KCNK2: variants seen among roughly 807,000 people sequenced by gnomAD.
KCNK2 encodes potassium two pore domain channel subfamily K member 2, also known as potassium channel subfamily K member 2.
Under a neutral mutation model 40.5 loss-of-function variants are expected in KCNK2, and 21 were observed. The observed-to-expected ratio is 0.52, with a 90% CI of 0.37 to 0.75. The LOEUF is 0.75. KCNK2 is among the 30% of genes least tolerant of loss of function. The pLI is 0.00. For missense variants in KCNK2, 399 were observed against 531.6 expected, an observed-to-expected ratio of 0.75 and a Z score of 2.45; for synonymous variants, 191 against 202.2, an observed-to-expected ratio of 0.94 and a Z score of 0.47.
intron 1 of KCNK2, among the ~76,000 whole-genome samples, chr1:215,070,132 T>C (rs117808482): frequency 0.012 from 1,766 of 152,080 alleles, 33 homozygotes; most frequent in South Asian, 0.085. Flanking sequence ...AGGTTTAGGT[T>C]GGGCACGGTG....
intron 6 of KCNK2, among the ~76,000 whole-genome samples, chr1:215,219,209 C>T (rs1571744625): frequency 6.6e-6 from 1 of 152,094 alleles, no homozygotes; most frequent in Non-Finnish European, 1.5e-5. Context: ...GTAAAACGTA[C>T]CTGAGATTGG....
chr1:215,156,021 ATGTGTG>A (rs1023855717), intron 3 of KCNK2, among the ~76,000 whole-genome samples: 11 of 151,494 alleles, frequency 7.3e-5, no homozygotes, highest in African/African-American at 1.5e-4. Flanking sequence ...ATGAAAAATT[ATGTGTG>A]TGTGTATATA....
intron 3 of KCNK2, among the ~76,000 whole-genome samples, chr1:215,128,927 G>A (rs1037966905): frequency 2.6e-5 from 4 of 152,186 alleles, no homozygotes; most frequent in East Asian, 1.9e-4. Flanking sequence ...TTTAATAAAA[G>A]TGAAGTAAAA....
chr1:215,042,775 T>A (rs1657612030), intron 1 of KCNK2, among the ~76,000 whole-genome samples: 1 of 152,188 alleles, frequency 6.6e-6, no homozygotes, highest in South Asian at 2.1e-4. Flanking sequence ...TCTCATAAAA[T>A]CATGACTTAT....
chr1:215,195,788 A>C (rs1664839220), intron 6 of KCNK2, among the ~76,000 whole-genome samples: 1 of 152,212 alleles, frequency 6.6e-6, no homozygotes, highest in Non-Finnish European at 1.5e-5. Flanking sequence ...CAGGATCACT[A>C]TTAGTTTGAA....
intron 1 of KCNK2, among the ~76,000 whole-genome samples, chr1:215,074,899 G>A (rs768187499): frequency 3.9e-5 from 6 of 152,100 alleles, no homozygotes; most frequent in Non-Finnish European, 1.5e-5. Context: ...CCCGAAAATG[G>A]AGTAAATTCT....
chr1:215,078,650 G>C (rs12085189), upstream of KCNK2, among the ~76,000 whole-genome samples: 2,203 of 152,250 alleles, frequency 0.014, 64 homozygotes, highest in African/African-American at 0.05. Flanking sequence ...GAATTATGGA[G>C]ATTACAAGTC....
chr1:215,221,596 C>T (rs533589467), intron 6 of KCNK2, among the ~76,000 whole-genome samples: 14 of 152,016 alleles, frequency 9.2e-5, no homozygotes, highest in South Asian at 2.1e-4. Flanking sequence ...ACCATCATAA[C>T]GGCCTTCATC....
At chr1:215,087,614 TC>T (rs1659503846) in intron 2 of KCNK2, among the ~76,000 whole-genome samples, 1 of 152,254 alleles carries the variant, frequency 6.6e-6, no homozygotes, top group Admixed American at 6.5e-5. Flanking sequence ...ACATTTGTTT[TC>T]CTATAGAGCC....
chr1:215,122,115 C>T (rs1453959832), intron 2 of KCNK2, among the ~76,000 whole-genome samples: 1 of 151,932 alleles, frequency 6.6e-6, no homozygotes, highest in Non-Finnish European at 1.5e-5. Flanking sequence ...TTGGGAATAA[C>T]CTTATAGATC....
chr1:215,207,731 T>C (rs889253454), intron 6 of KCNK2, among the ~76,000 whole-genome samples: 1 of 152,232 alleles, frequency 6.6e-6, no homozygotes, highest in East Asian at 1.9e-4. Flanking sequence ...TGTCTGGTTT[T>C]TCACCTTTAA....
At chr1:215,209,045 T>G (rs144246837) in intron 6 of KCNK2, among the ~76,000 whole-genome samples, 4,099 of 151,482 alleles carry the variant, frequency 0.027, 79 homozygotes, top group Middle Eastern at 0.048. Flanking sequence ...CAGGCTGGTC[T>G]CAAACTCCTG....
At chr1:215,051,420 T>C (rs986106542) in intron 1 of KCNK2, among the ~76,000 whole-genome samples, 1 of 152,232 alleles carries the variant, frequency 6.6e-6, no homozygotes, top group Non-Finnish European at 1.5e-5. Context: ...TGATCCATCA[T>C]ATTACAGAGT....
At chr1:215,206,555 C>CA (rs1370854190) in intron 6 of KCNK2, among the ~76,000 whole-genome samples, 1 of 152,122 alleles carries the variant, frequency 6.6e-6, no homozygotes, top group Non-Finnish European at 1.5e-5. Context: ...TAAAACTTTT[C>CA]AAAATCCTGT....
intron 1 of KCNK2, among the ~76,000 whole-genome samples, chr1:215,060,219 G>A (rs774458180): frequency 1.3e-5 from 2 of 152,102 alleles, no homozygotes; most frequent in Non-Finnish European, 2.9e-5. Context: ...AACCTCGGCC[G>A]CAACTAAACA....
intron 3 of KCNK2, among the ~76,000 whole-genome samples, chr1:215,167,823 A>C (rs867858964): frequency 1.3e-5 from 2 of 151,644 alleles, no homozygotes; most frequent in Non-Finnish European, 1.5e-5. Flanking sequence ...GATAGAAGTA[A>C]GTTTAATGTG....
intron 1 of KCNK2, among the ~76,000 whole-genome samples, chr1:215,076,056 C>T (rs1043820336): frequency 7.2e-5 from 11 of 152,218 alleles, no homozygotes; most frequent in Admixed American, 2.0e-4. Context: ...AATGCTTGTA[C>T]GGACATTGCT....
chr1:215,231,853 C>T (rs997143705), intron 6 of KCNK2, among the ~76,000 whole-genome samples: 4 of 152,158 alleles, frequency 2.6e-5, no homozygotes, highest in South Asian at 2.1e-4. Context: ...GGACTTCTTA[C>T]GTGGCAGCGG....
At chr1:215,078,589 A>AC (rs1659037739), upstream of KCNK2, among the ~76,000 whole-genome samples, 3 of 152,074 alleles carry the variant, frequency 2.0e-5, no homozygotes, top group South Asian at 6.2e-4. Context: ...CATGGGGGAA[A>AC]CTGCCCCCAT....
Sources: gnomAD v4.1 joint callset for allele counts (sites outside exome capture counted in the v4.1 genomes callset) on GRCh38, gnomAD v4.1.1 for gene constraint, MANE v1.5 for transcripts, NCBI Gene and HGNC (gene_info 2026-07-23, HGNC 2026-07-21) for gene names.